The following CAGE1 variants were observed in gnomAD, a reference collection of about 807,000 sequenced individuals.
CAGE1 encodes cancer-associated gene 1 protein.
CAGE1 carries 66 observed loss-of-function variants against 94.9 expected under a neutral mutation model. That is an observed-to-expected ratio of 0.70 (90% CI 0.57 to 0.85). The LOEUF (loss-of-function observed/expected upper bound fraction) is 0.85. CAGE1 is among the 40% of genes least tolerant of loss of function. CAGE1 has a pLI of 0.00. For synonymous variants in CAGE1, 319 were observed against 321.0 expected (o/e 0.99, Z 0.07); for missense variants, 865 against 950.4 (o/e 0.91, Z 1.18).
intron 8 of CAGE1, 49 bp downstream of exon 8, chr6:7,365,755 A>C (rs1760309388): frequency 2.2e-6 from 3 of 1,359,096 alleles, no homozygotes; most frequent in Non-Finnish European, 3.0e-6. Context: ...AATACCTGAA[A>C]TTGTATATTT....
chr6:7,365,858 T>A lies in CAGE1; in HGVS notation c.2031A>T (p.Thr677=), dbSNP rs1760312973. ...CCTTAGCAATTAACTCTCTAAAGGT[T>A]GTGATTCTATCTTTATGTTTCAGTA... The part of the protein sequence containing the change: ...KELLKHKDRI[T]TFRELIAKEK... Residue 677 remains threonine (T), a synonymous_variant, in exon 8 of 14, where the codon ACA becomes ACT. Transcript: ENST00000502583. 1 of 1,535,628 alleles carries A rather than the reference T, an allele frequency of 6.5e-7. No homozygotes were observed. The highest frequency in any genetic ancestry group is 2.5e-5 in the East Asian group (1 of 40,756).
At chr6:7,375,544 T>A (rs1439604283) in intron 4 of CAGE1, among the ~76,000 whole-genome samples, 2 of 152,178 alleles carry the variant, frequency 1.3e-5, no homozygotes, top group African/African-American at 4.8e-5. Flanking sequence ...GGAGACCAGT[T>A]TGGGTAACAC....
intron 11 of CAGE1, among the ~76,000 whole-genome samples, chr6:7,349,967 G>GA (rs201312881): frequency 0.015 from 2,064 of 136,690 alleles, 51 homozygotes; most frequent in African/African-American, 0.055. Flanking sequence ...AAAGAAAGAA[G>GA]AAAAAAAAAG....
rs1189383982 is a variant in CAGE1 at position 7,331,605 on chromosome 6, GT to G, written c.2439-1718del. On this transcript the variant is annotated intron_variant, in intron 12 of 13. Coordinates refer to ENST00000502583, the MANE Select transcript of CAGE1 (RefSeq NM_001170692.2). Reference sequence around the variant, plus strand: ...ATACCACAGAGCCCTCTCCAGGTCTGTATGCAACTCTACGCTGTTTAAGATA... The same window carrying G: ...ATACCACAGAGCCCTCTCCAGGTCTGATGCAACTCTACGCTGTTTAAGATA... The G allele has an allele frequency of 1.9e-5, 6 of 310,474 alleles. No individual in the cohort carries two copies. In the Admixed American group the frequency reaches 2.3e-4, roughly 12 times the overall value. The allele number at this position is 310,474 out of a possible 1,614,324, so 19.2% of individuals were successfully genotyped here. A position where few individuals can be genotyped will look rare whatever the true frequency, so the allele number is the denominator to read the frequency against.
In CAGE1 at chr6:7,368,782, TC is replaced by T; in HGVS notation, c.1909del (p.Asp637MetfsTer14). 2 of 1,547,166 alleles carry T rather than the reference TC, an allele frequency of 1.3e-6. No homozygotes were observed. Among genetic ancestry groups the T allele is most frequent in the South Asian group, 1.2e-5 (1 of 80,766 alleles). ...LLTCQDIINSDAEHFKESEKV... is the reference protein window; with the variant it reads ...LLTCQDIINSXAEHFKESEKV... Reference sequence around the variant, plus strand: ...CTCACTCTCTTTGAAATGTTCAGCATCAGAATTGATGATGTCCTAAGGGTAA... The same window carrying T: ...CTCACTCTCTTTGAAATGTTCAGCATAGAATTGATGATGTCCTAAGGGTAA... On this transcript the variant is annotated frameshift_variant, in exon 7 of 14. Coordinates refer to ENST00000502583, the MANE Select transcript of CAGE1 (RefSeq NM_001170692.2). LOFTEE classifies it high-confidence loss of function.
intron 8 of CAGE1, 40 bp downstream of exon 8, chr6:7,365,764 T>G: frequency 7.3e-7 from 1 of 1,372,606 alleles, no homozygotes; most frequent in Non-Finnish European, 1.0e-6. Context: ...AATTGTATAT[T>G]TTTATGTTAA....
chr6:7,388,969 G>C (rs1278853833), intron 1 of CAGE1, among the ~76,000 whole-genome samples: 1 of 152,154 alleles, frequency 6.6e-6, no homozygotes, highest in African/African-American at 2.4e-5. Context: ...ATGTGGCACT[G>C]CACAATCTGC....
chr6:7,373,582 T>C lies in CAGE1; in HGVS notation c.1237A>G (p.Ile413Val), dbSNP rs900147427. The change falls in exon 5 of 14, where the codon ATC becomes GTC. Residue 413 changes from isoleucine (I) to valine (V), a missense_variant. Transcript: ENST00000502583. ...KEMLQLQFKK[I>V]KANYVCLQER... ...TGTAAACACACATAATTAGCCTTGA[T>C]CTTCTTAAATTGAAGCTGTAACATT... is the stretch of plus-strand genomic sequence containing the variant. 1 of 1,613,388 alleles carries C rather than the reference T, an allele frequency of 6.2e-7. No homozygotes were observed. Among genetic ancestry groups the C allele is most frequent in the African/African-American group, 1.3e-5 (1 of 74,936 alleles).
chr6:7,382,085 A>G (rs1165201819), intron 3 of CAGE1, among the ~76,000 whole-genome samples: 1 of 151,628 alleles, frequency 6.6e-6, no homozygotes, highest in Non-Finnish European at 1.5e-5. Flanking sequence ...TGATCCGCCC[A>G]TCTTGGCCTT....
In CAGE1 at chr6:7,369,962, A is replaced by G; in HGVS notation, c.1850T>C (p.Met617Thr). The G allele has an allele frequency of 1.9e-6, 3 of 1,613,756 alleles. No individual in the cohort carries two copies. Among genetic ancestry groups the G allele is most frequent in the Non-Finnish European group, 1.7e-6 (2 of 1,179,812 alleles). ...IKRASQLASKMHSLLALMVGL... is the reference protein window; with the variant it reads ...IKRASQLASKTHSLLALMVGL... The stretch of plus-strand genomic sequence containing the variant: ...CACCATCAGAGCCAGAAGACTGTGC[A>G]TTTTGGAGGCCAGCTGAGAAGCTCT... Residue 617 changes from methionine to threonine, a missense_variant, in exon 6 of 14, where the codon ATG (methionine) becomes ACG (threonine). Physicochemically the swap from Met to Thr is moderately conservative, Grantham distance 81. Coordinates refer to ENST00000502583, the MANE Select transcript of CAGE1 (RefSeq NM_001170692.2).
intron 11 of CAGE1, among the ~76,000 whole-genome samples, chr6:7,351,947 A>T (rs1329066857): frequency 3.3e-5 from 5 of 152,164 alleles, no homozygotes; most frequent in African/African-American, 1.2e-4. Flanking sequence ...GGAAAAGTTG[A>T]AAGCATTCCC....
intron 12 of CAGE1, among the ~76,000 whole-genome samples, chr6:7,330,094 TA>T (rs1758694138): frequency 6.6e-6 from 1 of 152,090 alleles, no homozygotes; most frequent in African/African-American, 2.4e-5. Flanking sequence ...TGCATTTAAA[TA>T]AAAACAATGA....
At chr6:7,380,942 T>A (rs1760912102) in intron 3 of CAGE1, among the ~76,000 whole-genome samples, 1 of 152,228 alleles carries the variant, frequency 6.6e-6, no homozygotes, top group African/African-American at 2.4e-5. Context: ...AGTGTACCAA[T>A]TTATGCTTCT....
At chr6:7,330,961 T>C (rs1312918607) in intron 12 of CAGE1, among the ~76,000 whole-genome samples, 2 of 152,228 alleles carry the variant, frequency 1.3e-5, no homozygotes, top group South Asian at 2.1e-4. Context: ...AAAAATTCCA[T>C]TGTTTCTCTC....
chr6:7,334,725 C>CAA (rs58790989), intron 11 of CAGE1, among the ~76,000 whole-genome samples: 985 of 67,794 alleles, frequency 0.015, 50 homozygotes, highest in African/African-American at 0.072. Flanking sequence ...GACTCTCTCT[C>CAA]AAAAAAAAAA....
intron 8 of CAGE1, 66 bp downstream of exon 8, chr6:7,365,738 G>T (rs1373758776): frequency 4.5e-6 from 6 of 1,336,620 alleles, no homozygotes; most frequent in South Asian, 1.3e-5. Flanking sequence ...TTTACCAAAA[G>T]AACATAAATA....
At chr6:7,381,944 A>G (rs1395345542) in intron 3 of CAGE1, among the ~76,000 whole-genome samples, 1 of 150,312 alleles carries the variant, frequency 6.7e-6, no homozygotes, top group Non-Finnish European at 1.5e-5. Flanking sequence ...GGTTCACGCC[A>G]TTCTCCTTTC....
chr6:7,350,637 TAAATAACCTGCTCCTG>T (rs1455528847), intron 11 of CAGE1, among the ~76,000 whole-genome samples: 2 of 152,210 alleles, frequency 1.3e-5, no homozygotes, highest in African/African-American at 4.8e-5. Context: ...ACATGGAAAT[TAAATAACCTGCTCCTG>T]AATGAGCATT....
intron 11 of CAGE1, among the ~76,000 whole-genome samples, chr6:7,342,624 C>T (rs1403756824): frequency 6.6e-6 from 1 of 152,208 alleles, no homozygotes; most frequent in Non-Finnish European, 1.5e-5. Context: ...ACTGTCAGTG[C>T]TCAGGGAACT....
Sources: gnomAD v4.1 joint callset for allele counts (sites outside exome capture counted in the v4.1 genomes callset) on GRCh38, gnomAD v4.1.1 for gene constraint, MANE v1.5 for transcripts, NCBI Gene and HGNC (gene_info 2026-07-23, HGNC 2026-07-21) for gene names.